CFAP221: variants seen among roughly 807,000 people sequenced by gnomAD.
The protein encoded by CFAP221 is cilia- and flagella-associated protein 221.
Under a neutral mutation model 113.1 loss-of-function variants are expected in CFAP221, and 97 were observed. That is an observed-to-expected ratio of 0.86 (90% confidence interval 0.73 to 1.02). The LOEUF (loss-of-function observed/expected upper bound fraction) is 1.02. Ranked by LOEUF, CFAP221 falls within the 50% of genes least tolerant of loss-of-function variation. The probability of loss-of-function intolerance (pLI) is 0.00; values close to 1 mark genes in which losing one functional copy is unlikely to be tolerated. For missense variants in CFAP221, 1,025 were observed against 1,013.4 expected (o/e 1.01, Z -0.16); for synonymous variants, 331 against 354.4 (o/e 0.93, Z 0.74).
intron 6 of CFAP221, among the ~76,000 whole-genome samples, chr2:119,562,467 G>A (rs1055880609): frequency 4.6e-5 from 7 of 152,088 alleles, no homozygotes; most frequent in Non-Finnish European, 5.9e-5. Context: ...TCCCCTTCAT[G>A]GGGGCAAGAC....
rs570718788 is a variant in CFAP221, at chr2:119,611,729, G to T, written c.1298G>T (p.Arg433Leu). The change falls in exon 13 of 24, where the codon CGC becomes CTC. Residue 433 changes from arginine (R) to leucine (L), a missense_variant. Coordinates refer to ENST00000413369, the MANE Select transcript of CFAP221 (RefSeq NM_001271049.2). ...KTEVSHKRVV[R>L]NQEEKIKEFH... is the part of the protein sequence containing the mutation. The stretch of plus-strand genomic sequence containing the variant: ...GAAGTTAGCCATAAACGGGTTGTTC[G>T]CAATCAAGAAGAGGTGGGTAACTTT... 2 of 1,612,100 alleles carry T rather than the reference G, an allele frequency of 1.2e-6. No homozygotes were observed. The highest frequency in any genetic ancestry group is 1.3e-5 in the African/African-American group (1 of 74,972).
intron 3 of CFAP221, among the ~76,000 whole-genome samples, chr2:119,558,209 C>T (rs1166074224): frequency 6.6e-6 from 1 of 152,124 alleles, no homozygotes; most frequent in East Asian, 1.9e-4. Flanking sequence ...GTTAAGATTC[C>T]AGGCCTGGGG....
At chr2:119,596,057 T>C (rs1574086236) in intron 7 of CFAP221, among the ~76,000 whole-genome samples, 1 of 151,696 alleles carries the variant, frequency 6.6e-6, no homozygotes, top group South Asian at 2.1e-4. Flanking sequence ...GGTATTAGGA[T>C]TGGGTTCTGA....
Position 119,639,808 on chromosome 2 carries a change from A to G in CFAP221, c.2161A>G (p.Lys721Glu), listed in dbSNP as rs747146481. ...TDIIPGIMHWKSFQSLVLSSL... is the reference protein window; with the variant it reads ...TDIIPGIMHWESFQSLVLSSL... ...CATTATTCCCGGAATAATGCACTGG[A>G]AAAGCTTCCAGTCCCTGGTTCTCTC... Residue 721 changes from lysine (K) to glutamate (E), a missense_variant, in exon 21 of 24, where the codon AAA (lysine) becomes GAA (glutamate). Lys to Glu is a moderately conservative substitution (Grantham distance 56, BLOSUM62 1). Coordinates refer to ENST00000413369, the MANE Select transcript of CFAP221 (RefSeq NM_001271049.2). The G allele has an allele frequency of 1.2e-6, 2 of 1,614,134 alleles. No individual in the cohort carries two copies. The highest frequency in any genetic ancestry group is 1.7e-5 in the Admixed American group (1 of 60,016).
At chr2:119,626,575 C>T (rs1265923990) in intron 15 of CFAP221, among the ~76,000 whole-genome samples, 1 of 152,152 alleles carries the variant, frequency 6.6e-6, no homozygotes, top group Non-Finnish European at 1.5e-5. Flanking sequence ...GGTATTTTCT[C>T]AACCTAGCAT....
At chr2:119,600,652 G>A (rs1684299862) in intron 7 of CFAP221, among the ~76,000 whole-genome samples, 1 of 152,216 alleles carries the variant, frequency 6.6e-6, no homozygotes, top group Admixed American at 6.5e-5. Flanking sequence ...TTTGTGCTTA[G>A]CATGGGAAGA....
rs976702021 is a variant in CFAP221, at chr2:119,620,949, G to A, written c.1411-4634G>A. 7.3e-5 allele frequency among the ~76,000 whole-genome samples: 11 copies of A among 151,708 alleles called. 1 individual carries two copies. Among genetic ancestry groups the A allele is most frequent in the Admixed American group, 6.6e-4 (10 of 15,228 alleles). ...AAAAAAAAAAGCAGGGGTTGGCTGG[G>A]CATGGTGGCTCATGCCTGTAATCCC... On this transcript the variant is annotated intron_variant, in intron 14 of 23. Coordinates refer to ENST00000413369, the MANE Select transcript of CFAP221 (RefSeq NM_001271049.2).
At chr2:119,639,745 A>C in intron 20 of CFAP221, 36 bp from the exon 21 acceptor site, 1 of 1,551,306 alleles carries the variant, frequency 6.4e-7, no homozygotes, top group Non-Finnish European at 8.9e-7. Context: ...TTACCTCACC[A>C]AACAGTTGCT....
downstream of CFAP221, among the ~76,000 whole-genome samples, chr2:119,659,592 G>A (rs1313594311): frequency 6.6e-6 from 1 of 152,410 alleles, no homozygotes; most frequent in Admixed American, 6.5e-5. Context: ...TTTAGTTTCT[G>A]GTTTATCCTT....
At chr2:119,654,013 CCTTT>C (rs1360452135) in intron 23 of CFAP221, among the ~76,000 whole-genome samples, 1 of 151,920 alleles carries the variant, frequency 6.6e-6, no homozygotes, top group African/African-American at 2.4e-5. Flanking sequence ...AGATAATTAC[CCTTT>C]CTTATATATG....
At chr2:119,630,039 A>G (rs1686656950) in intron 17 of CFAP221, 84 bp downstream of exon 17, 6 of 1,270,638 alleles carry the variant, frequency 4.7e-6, no homozygotes, top group Non-Finnish European at 5.6e-6. Flanking sequence ...AGTGTTTTAT[A>G]GTTTTGCTTT....
chr2:119,553,909 G>A (rs938601398), intron 3 of CFAP221, among the ~76,000 whole-genome samples: 5 of 152,154 alleles, frequency 3.3e-5, no homozygotes, highest in Non-Finnish European at 7.3e-5. Flanking sequence ...TTTAATGTAA[G>A]AGTTGTGAGG....
At chr2:119,644,252 G>T (rs1687666702) in intron 21 of CFAP221, among the ~76,000 whole-genome samples, 1 of 152,112 alleles carries the variant, frequency 6.6e-6, no homozygotes, top group South Asian at 2.1e-4. Context: ...AATTTTAAAT[G>T]AATATATTTA....
chr2:119,657,504 A>C (rs1306388276), downstream of CFAP221, among the ~76,000 whole-genome samples: 1 of 152,220 alleles, frequency 6.6e-6, no homozygotes, highest in Non-Finnish European at 1.5e-5. Flanking sequence ...TTTTTTAAAA[A>C]CTTTTTATTT....
chr2:119,592,163 G>A (rs551395332), intron 7 of CFAP221, among the ~76,000 whole-genome samples: 6 of 152,230 alleles, frequency 3.9e-5, no homozygotes, highest in South Asian at 2.1e-4. Flanking sequence ...GGAGGCATAC[G>A]ATGATGCAGA....
At chr2:119,628,059 G>A (rs1349325336) in intron 16 of CFAP221, among the ~76,000 whole-genome samples, 1 of 152,142 alleles carries the variant, frequency 6.6e-6, no homozygotes, top group Non-Finnish European at 1.5e-5. Flanking sequence ...CAACTGCCCT[G>A]GAACTGCGCC....
At chr2:119,545,354 A>G (rs1008322603) in intron 1 of CFAP221, 4 of 152,276 alleles carry the variant, frequency 2.6e-5, no homozygotes, top group Non-Finnish European at 4.4e-5. Flanking sequence ...TATTAACACC[A>G]AATGAGTAAT....
chr2:119,545,958 G>C (rs1293902342), intron 1 of CFAP221, 127 bp from the exon 2 acceptor site: 1 of 639,630 alleles, frequency 1.6e-6, no homozygotes, highest in African/African-American at 1.8e-5. Flanking sequence ...GTGGCCCGCA[G>C]AGAGGAGAGC....
At chr2:119,581,906 A>G (rs72963191) in intron 6 of CFAP221, among the ~76,000 whole-genome samples, 28,684 of 151,912 alleles carry the variant, frequency 0.19, 2,885 homozygotes, top group African/African-American at 0.25. Context: ...CTCTATAAAA[A>G]ATAAATAAAT....
Sources: gnomAD v4.1 joint callset for allele counts (sites outside exome capture counted in the v4.1 genomes callset) on GRCh38, gnomAD v4.1.1 for gene constraint, MANE v1.5 for transcripts, NCBI Gene and HGNC (gene_info 2026-07-23, HGNC 2026-07-21) for gene names.